ATL2: variants seen among roughly 807,000 people sequenced by gnomAD.
ATL2 encodes the protein atlastin-2.
In ATL2, 31 loss-of-function variants were observed where a neutral mutation model predicts 73.9. The ratio of observed to expected loss-of-function variants is 0.42; its 90% CI spans 0.32 to 0.57. The LOEUF is 0.57. Ranked by LOEUF, ATL2 falls within the 20% of genes least tolerant of loss-of-function variation. The pLI is 0.14. For missense variants in ATL2, 738 were observed against 702.6 expected, an observed-to-expected ratio of 1.05 and a Z score of -0.57; for synonymous variants, 291 against 237.5, an observed-to-expected ratio of 1.23 and a Z score of -2.07.
At chr2:38,373,081 ATC>A (rs138819197) in intron 1 of ATL2, among the ~76,000 whole-genome samples, 5,707 of 152,208 alleles carry the variant, frequency 0.037, 144 homozygotes, top group African/African-American at 0.068. Context: ...GCACCCTATC[ATC>A]TGTTTCCCAC....
chr2:38,337,037 G>C (rs924974065), intron 2 of ATL2, among the ~76,000 whole-genome samples: 8 of 152,060 alleles, frequency 5.3e-5, no homozygotes, highest in Non-Finnish European at 1.5e-5. Context: ...TGCAAATCCA[G>C]AGTGGGAAAC....
intron 2 of ATL2, among the ~76,000 whole-genome samples, chr2:38,325,859 C>T (rs867153871): frequency 1.0e-4 from 15 of 150,082 alleles, no homozygotes; most frequent in African/African-American, 3.7e-4. Context: ...AACTCCAGCC[C>T]CATCTAGGCT....
intron 6 of ATL2, among the ~76,000 whole-genome samples, chr2:38,314,379 A>C (rs1667916365): frequency 6.6e-6 from 1 of 152,156 alleles, no homozygotes; most frequent in South Asian, 2.1e-4. Context: ...TACTCCCCTT[A>C]ATCTAAGTGA....
At chr2:38,354,902 C>A (rs1209972440) in intron 1 of ATL2, among the ~76,000 whole-genome samples, 6 of 151,350 alleles carry the variant, frequency 4.0e-5, no homozygotes, top group East Asian at 1.9e-4. Flanking sequence ...AAAACAAAAA[C>A]CAAAAAAAGC....
chr2:38,371,948 C>G (rs1322288510), intron 1 of ATL2, among the ~76,000 whole-genome samples: 1 of 151,886 alleles, frequency 6.6e-6, no homozygotes, highest in Non-Finnish European at 1.5e-5. Context: ...TATTAAAATC[C>G]AAGCCTCCAT....
At chr2:38,325,206 T>C (rs901225130) in intron 2 of ATL2, among the ~76,000 whole-genome samples, 1 of 152,200 alleles carries the variant, frequency 6.6e-6, no homozygotes, top group Non-Finnish European at 1.5e-5. Context: ...ATCAGACCTA[T>C]CTTTACAACA....
rs868288871 is a variant in ATL2, at chr2:38,346,435, G to T, written c.119-2923C>A. On this transcript the variant is annotated intron_variant, in intron 1 of 12. Coordinates refer to ENST00000378954, the MANE Select transcript of ATL2 (RefSeq NM_001135673.4). ...TCCTACACATGCTCTATAAGGTCCC[G>T]TACTCACCGCCAATCTCTGTTGCCT... Among the ~76,000 whole-genome samples the T allele has an allele frequency of 3.3e-5, 5 of 152,132 alleles. 1 individual carries two copies. The South Asian group carries it at 1.0e-3, about 32-fold the overall frequency.
At chr2:38,307,948 G>A (rs1326306932) in intron 9 of ATL2, among the ~76,000 whole-genome samples, 1 of 152,054 alleles carries the variant, frequency 6.6e-6, no homozygotes, top group Non-Finnish European at 1.5e-5. Context: ...CAAAAGACAG[G>A]CAATAACAAA....
At chr2:38,327,312 G>T (rs1369806106) in intron 2 of ATL2, among the ~76,000 whole-genome samples, 1 of 151,988 alleles carries the variant, frequency 6.6e-6, no homozygotes, top group African/African-American at 2.4e-5. Context: ...ATGTATAAAA[G>T]AGAGGAGGAA....
At chr2:38,375,097 T>C (rs985998621) in intron 1 of ATL2, among the ~76,000 whole-genome samples, 1 of 152,246 alleles carries the variant, frequency 6.6e-6, no homozygotes, top group Non-Finnish European at 1.5e-5. Context: ...CTAAAGATCC[T>C]ACATTCCTAA....
intron 2 of ATL2, among the ~76,000 whole-genome samples, chr2:38,338,735 C>T (rs183751988): frequency 6.6e-6 from 1 of 152,146 alleles, no homozygotes; most frequent in African/African-American, 2.4e-5. Flanking sequence ...CTAGCTTAAC[C>T]AACAGGTGAA....
chr2:38,355,122 A>G (rs1427160063), intron 1 of ATL2, among the ~76,000 whole-genome samples: 3 of 152,038 alleles, frequency 2.0e-5, no homozygotes, highest in Non-Finnish European at 2.9e-5. Context: ...AAAACTATAT[A>G]CTGTATTTCT....
At chr2:38,297,066 A>G (rs1286402854) in intron 12 of ATL2, among the ~76,000 whole-genome samples, 1 of 152,238 alleles carries the variant, frequency 6.6e-6, no homozygotes, top group Non-Finnish European at 1.5e-5. Flanking sequence ...ATAAAAATTT[A>G]AATAGAATAA....
intron 2 of ATL2, among the ~76,000 whole-genome samples, chr2:38,325,586 A>C (rs1573485428): frequency 6.6e-6 from 1 of 150,850 alleles, no homozygotes; most frequent in African/African-American, 2.4e-5. Context: ...TTTTAAGTTC[A>C]CCCTGGGAAA....
At position 38,294,559 on chromosome 2, in the gene ATL2, A is replaced by C. The variant is rs1403805517; in HGVS notation, c.*1435T>G. ...AGAGACTCCGTCTCAAAAAAGAAAC[A>C]AACAAAACTAGGTACTTTAATCGGT... On this transcript the variant is annotated 3_prime_UTR_variant, in exon 13 of 13. Coordinates refer to ENST00000378954, the MANE Select transcript of ATL2 (RefSeq NM_001135673.4). 1.3e-5 allele frequency among the ~76,000 whole-genome samples: 2 copies of C among 152,074 alleles called. No homozygotes were observed. The highest frequency in any genetic ancestry group is 2.9e-5 in the Non-Finnish European group (2 of 68,024).
chr2:38,303,667 G>C (rs1038407038), intron 9 of ATL2, among the ~76,000 whole-genome samples: 4 of 152,288 alleles, frequency 2.6e-5, no homozygotes, highest in African/African-American at 9.6e-5. Flanking sequence ...CCTTAAAGAG[G>C]AGTAGCTAAA....
In ATL2 at chr2:38,339,122, G is replaced by A. The variant is rs62144722; in HGVS notation, c.363+4146C>T. On this transcript the variant is annotated intron_variant, in intron 2 of 12. Transcript: ENST00000378954. ...TCCCAGCTACTCAGGAGGCTGAGGC[G>A]AGATAATCGCTTGAACTCAGGAGGC... is the stretch of plus-strand genomic sequence containing the variant. Among the ~76,000 whole-genome samples the A allele has an allele frequency of 5.7e-3, 868 of 152,124 alleles. 7 individuals are homozygous for A. Among genetic ancestry groups the A allele is most frequent in the South Asian group, 0.012 (57 of 4,816 alleles).
intron 7 of ATL2, among the ~76,000 whole-genome samples, chr2:38,311,958 G>C (rs1403551612): frequency 6.6e-6 from 1 of 152,112 alleles, no homozygotes; most frequent in Non-Finnish European, 1.5e-5. Flanking sequence ...AGTGGGGTCT[G>C]GAAATGCCTT....
At chr2:38,332,149 G>C (rs1669035211) in intron 2 of ATL2, among the ~76,000 whole-genome samples, 1 of 152,132 alleles carries the variant, frequency 6.6e-6, no homozygotes, top group Non-Finnish European at 1.5e-5. Context: ...TGAGGGTTTG[G>C]AGAAAGGATC....
Sources: gnomAD v4.1 joint callset for allele counts (sites outside exome capture counted in the v4.1 genomes callset) on GRCh38, gnomAD v4.1.1 for gene constraint, MANE v1.5 for transcripts, NCBI Gene and HGNC (gene_info 2026-07-23, HGNC 2026-07-21) for gene names.